The following GLRA3 variants were observed in gnomAD, a reference collection of about 807,000 sequenced individuals.
GLRA3 encodes the protein glycine receptor subunit alpha-3.
GLRA3 carries 44 observed loss-of-function variants against 60.4 expected under a neutral mutation model. The observed-to-expected ratio is 0.73, with a 90% confidence interval of 0.57 to 0.94. The LOEUF (loss-of-function observed/expected upper bound fraction) is 0.94. Ranked by LOEUF, GLRA3 falls within the 40% of genes least tolerant of loss-of-function variation. The pLI is 0.00. For missense variants in GLRA3, 508 were observed against 564.6 expected, an observed-to-expected ratio of 0.90 and a Z score of 1.02; for synonymous variants, 223 against 192.9, an observed-to-expected ratio of 1.16 and a Z score of -1.29.
chr4:174,751,006 A>G (rs1737451406), intron 3 of GLRA3, among the ~76,000 whole-genome samples: 1 of 152,072 alleles, frequency 6.6e-6, no homozygotes. Flanking sequence ...ACAGTTTCAA[A>G]ACAAAGTTTA....
At chr4:174,674,577 T>C (rs1734039729) in intron 7 of GLRA3, among the ~76,000 whole-genome samples, 1 of 152,144 alleles carries the variant, frequency 6.6e-6, no homozygotes, top group Non-Finnish European at 1.5e-5. Flanking sequence ...GAGTCTTACT[T>C]AAGCAATTTC....
intron 5 of GLRA3, among the ~76,000 whole-genome samples, chr4:174,708,084 A>C (rs1735579808): frequency 6.6e-6 from 1 of 152,202 alleles, no homozygotes. Flanking sequence ...TTTAAGCAAC[A>C]AATACTCAGC....
At chr4:174,779,824 A>T (rs977569358) in intron 2 of GLRA3, among the ~76,000 whole-genome samples, 5 of 151,854 alleles carry the variant, frequency 3.3e-5, no homozygotes, top group African/African-American at 1.2e-4. Context: ...GAAAAGACCA[A>T]ATCTACGTCT....
intron 5 of GLRA3, among the ~76,000 whole-genome samples, chr4:174,713,985 C>T (rs777012643): frequency 1.3e-5 from 2 of 152,154 alleles, no homozygotes; most frequent in Admixed American, 6.5e-5. Flanking sequence ...TAATCTGATC[C>T]GTTTATCTAA....
At chr4:174,767,818 C>T (rs568534471) in intron 2 of GLRA3, among the ~76,000 whole-genome samples, 8 of 152,170 alleles carry the variant, frequency 5.3e-5, no homozygotes, top group African/African-American at 9.6e-5. Context: ...CTTCCCTGGA[C>T]AGGCACACAG....
At chr4:174,780,269 A>AT (rs1478925464) in intron 2 of GLRA3, among the ~76,000 whole-genome samples, 1 of 146,912 alleles carries the variant, frequency 6.8e-6, no homozygotes. Context: ...ATGCTGAGAG[A>AT]TTTTGTCACC....
rs570795545 is a variant in GLRA3 at position 174,790,093 on chromosome 4, T to A, written c.72-1150A>T. ...AATCTCATCAATCTTGGTGATAATA[T>A]GAGAATGAGATTTCTGTAAGCACAG... is the stretch of plus-strand genomic sequence containing the variant. On this transcript the variant is annotated intron_variant, in intron 1 of 9. Coordinates refer to ENST00000274093, the MANE Select transcript of GLRA3 (RefSeq NM_006529.4). Among the ~76,000 whole-genome samples the A allele has an allele frequency of 5.4e-4, 82 of 152,322 alleles. 1 individual carries two copies. The highest frequency in any genetic ancestry group is 1.9e-3 in the African/African-American group (77 of 41,576).
At chr4:174,716,878 C>G (rs1437221745) in intron 4 of GLRA3, among the ~76,000 whole-genome samples, 1 of 152,020 alleles carries the variant, frequency 6.6e-6, no homozygotes, top group East Asian at 1.9e-4. Flanking sequence ...ATAGTGTGGG[C>G]ACAAAGATGA....
intron 1 of GLRA3, among the ~76,000 whole-genome samples, chr4:174,790,537 T>C (rs977429337): frequency 5.3e-5 from 8 of 151,946 alleles, no homozygotes; most frequent in African/African-American, 1.7e-4. Context: ...TGTAGCTACA[T>C]GCTGCTGCTT....
At chr4:174,667,272 G>A (rs908569100) in intron 7 of GLRA3, among the ~76,000 whole-genome samples, 1 of 152,022 alleles carries the variant, frequency 6.6e-6, no homozygotes, top group African/African-American at 2.4e-5. Context: ...AGTGGCCTTC[G>A]TGGCACAGAG....
intron 3 of GLRA3, 70 bp downstream of exon 3, chr4:174,766,893 A>G (rs565825686): frequency 1.3e-6 from 1 of 766,420 alleles, no homozygotes; most frequent in East Asian, 2.6e-5. Context: ...TTTAAATTAC[A>G]TAAAATGTTG....
intron 1 of GLRA3, among the ~76,000 whole-genome samples, chr4:174,797,923 CA>C (rs200168895): frequency 0.021 from 2,701 of 126,012 alleles, 65 homozygotes; most frequent in African/African-American, 0.062. Context: ...GACCCTATCT[CA>C]AAAAAAAAAA....
intron 2 of GLRA3, among the ~76,000 whole-genome samples, chr4:174,771,253 A>G (rs1738374954): frequency 6.6e-6 from 1 of 152,052 alleles, no homozygotes; most frequent in Non-Finnish European, 1.5e-5. Context: ...TAAAAAAATA[A>G]ATAAATGAAA....
At chr4:174,693,104 G>T (rs1217716986) in intron 5 of GLRA3, among the ~76,000 whole-genome samples, 1 of 151,986 alleles carries the variant, frequency 6.6e-6, no homozygotes, top group East Asian at 1.9e-4. Context: ...CCATTCTGTG[G>T]GTTGTCTGTT....
intron 4 of GLRA3, among the ~76,000 whole-genome samples, chr4:174,722,279 G>A (rs1736160939): frequency 1.3e-5 from 2 of 152,034 alleles, no homozygotes; most frequent in African/African-American, 2.4e-5. Flanking sequence ...CTTGCTTCCT[G>A]CTTAGTTCAA....
intron 5 of GLRA3, among the ~76,000 whole-genome samples, chr4:174,684,733 C>T (rs1301075178): frequency 1.3e-5 from 2 of 152,160 alleles, no homozygotes; most frequent in African/African-American, 2.4e-5. Flanking sequence ...AGCGCTTGGG[C>T]GCAGTGTCTC....
chr4:174,749,544 A>G (rs939948725), intron 3 of GLRA3, among the ~76,000 whole-genome samples: 1 of 152,196 alleles, frequency 6.6e-6, no homozygotes, highest in African/African-American at 2.4e-5. Context: ...ATTGAAGTAC[A>G]TGATTTTGCA....
intron 1 of GLRA3, among the ~76,000 whole-genome samples, chr4:174,800,572 C>T (rs1208777244): frequency 6.6e-6 from 1 of 151,948 alleles, no homozygotes; most frequent in Non-Finnish European, 1.5e-5. Flanking sequence ...GCATTCAAAC[C>T]ATGCTTTTAT....
chr4:174,649,376 A>T (rs1024565220), intron 9 of GLRA3, among the ~76,000 whole-genome samples: 1 of 152,204 alleles, frequency 6.6e-6, no homozygotes, highest in Admixed American at 6.5e-5. Context: ...AGTAGGTGGC[A>T]CTGCCTTTAA....
Sources: gnomAD v4.1 joint callset for allele counts (sites outside exome capture counted in the v4.1 genomes callset) on GRCh38, gnomAD v4.1.1 for gene constraint, MANE v1.5 for transcripts, NCBI Gene and HGNC (gene_info 2026-07-23, HGNC 2026-07-21) for gene names.